The following RNF166 variants were observed in gnomAD, a reference collection of about 807,000 sequenced individuals.
RNF166 encodes the protein ring finger protein 166, also known as E3 ubiquitin-protein ligase RNF166.
In RNF166, 19 loss-of-function variants were observed where a neutral mutation model predicts 29.4. The observed-to-expected ratio is 0.65, with a 90% CI of 0.45 to 0.95. The LOEUF (loss-of-function observed/expected upper bound fraction) is 0.95. RNF166 is among the 40% of genes least tolerant of loss of function. The pLI, the probability that RNF166 is intolerant of heterozygous loss-of-function variation, is 0.00. For missense variants in RNF166, 347 were observed against 322.1 expected, an observed-to-expected ratio of 1.08 and a Z score of -0.59; for synonymous variants, 171 against 134.5, an observed-to-expected ratio of 1.27 and a Z score of -1.88.
At chr16:88,703,845 C>T (rs895558562) in intron 1 of RNF166, 1 of 985,474 alleles carries the variant, frequency 1.0e-6, no homozygotes, top group African/African-American at 1.7e-5. Flanking sequence ...CGGCCCGTGC[C>T]TCAGGGATCT....
In RNF166 at chr16:88,701,258, G is replaced by A; in HGVS notation, c.312+4C>T. 1.2e-6 allele frequency: 2 copies of A among 1,613,546 alleles called. No individual in the cohort carries two copies. Among genetic ancestry groups the A allele is most frequent in the Middle Eastern group, 1.7e-4 (1 of 6,058 alleles). ...GCTCCAGGGCGGCCCAAGCAGGCGG[G>A]TACCTTTTTGTTGCAGCCTCGACAG... On this transcript the variant is annotated splice_donor_region_variant and intron_variant, in intron 2 of 5. Transcript: ENST00000312838.
intron 3 of RNF166, among the ~76,000 whole-genome samples, 174 bp from the exon 4 acceptor site, chr16:88,699,259 C>T (rs1909960362): frequency 6.6e-6 from 1 of 152,236 alleles, no homozygotes; most frequent in African/African-American, 2.4e-5. Context: ...AGGACACACC[C>T]AGGACCCTCG....
Position 88,697,559 on chromosome 16 carries a change from C to T in RNF166, c.*9G>A, listed in dbSNP as rs992753330. The T allele has an allele frequency of 2.2e-5, 34 of 1,546,562 alleles. No homozygotes were observed. The highest frequency in any genetic ancestry group is 1.2e-4 in the East Asian group (5 of 40,710). ...GACCCCAGACGCAGGCGGGTGGCTG[C>T]GCTTCCCTTCAGTTCTCAGAGAGAG... On this transcript the variant is annotated 3_prime_UTR_variant, in exon 6 of 6. Coordinates refer to ENST00000312838, the MANE Select transcript of RNF166 (RefSeq NM_178841.4).
intron 2 of RNF166, chr16:88,700,518 C>T (rs111712056): frequency 1.1e-4 from 95 of 838,142 alleles, no homozygotes; most frequent in Admixed American, 3.7e-4. Flanking sequence ...CCTTCGACCT[C>T]GAGGACAAAC....
rs1316894138 is a variant in RNF166, at chr16:88,699,007, G to A, written c.504C>T (p.His168=). ...RNLDQQELVK[H]CVESHRSDPN... ...GGTCGCTGCGGTGGCTTTCCACACA[G>A]TGCTTCACCAGCTCCTGCTGGTCCA... The change falls in exon 4 of 6, where the codon CAC becomes CAT. Residue 168 remains histidine, a synonymous_variant. Transcript: ENST00000312838. 1 of 1,607,880 alleles carries A rather than the reference G, an allele frequency of 6.2e-7. No individual in the cohort carries two copies. Among genetic ancestry groups the A allele is most frequent in the Middle Eastern group, 1.7e-4 (1 of 5,984 alleles).
intron 3 of RNF166, 110 bp from the exon 4 acceptor site, chr16:88,699,195 A>G: frequency 1.3e-6 from 1 of 798,320 alleles, no homozygotes; most frequent in Non-Finnish European, 2.1e-6. Context: ...GTAGGCTGCA[A>G]GAGCGTGGCA....
intron 1 of RNF166, among the ~76,000 whole-genome samples, chr16:88,705,359 T>G (rs1910676851): frequency 6.6e-6 from 1 of 152,224 alleles, no homozygotes; most frequent in African/African-American, 2.4e-5. Flanking sequence ...CCTCCTGCTC[T>G]CTCTCTCCCC....
At chr16:88,699,493 ACTTCC>A in intron 3 of RNF166, 122 bp downstream of exon 3, 3 of 711,308 alleles carry the variant, frequency 4.2e-6, no homozygotes, top group Non-Finnish European at 7.0e-6. Flanking sequence ...AGGAAGGTCC[ACTTCC>A]CCAGAGTGGA....
intron 3 of RNF166, 90 bp from the exon 4 acceptor site, chr16:88,699,175 C>A: frequency 2.1e-6 from 2 of 952,942 alleles, no homozygotes; most frequent in South Asian, 2.8e-5. Context: ...TGGCCCCAGG[C>A]CTGCCCTCTG....
chr16:88,698,263 G>A, intron 5 of RNF166: 1 of 691,796 alleles, frequency 1.4e-6, no homozygotes, highest in Non-Finnish European at 2.6e-6. Context: ...GACCTGCCCT[G>A]TGCGGTCCAT....
intron 1 of RNF166, chr16:88,703,664 G>T: frequency 1.0e-6 from 1 of 985,548 alleles, no homozygotes; most frequent in Non-Finnish European, 1.2e-6. Context: ...CCCACCCAGG[G>T]GCTGGTGCTG....
intron 1 of RNF166, among the ~76,000 whole-genome samples, chr16:88,702,340 C>T (rs1289757647): frequency 6.6e-6 from 1 of 152,142 alleles, no homozygotes; most frequent in African/African-American, 2.4e-5. Flanking sequence ...TGAGGCAGAG[C>T]CCCCCAGTCC....
chr16:88,703,385 C>G (rs1652316972), intron 1 of RNF166: 1 of 985,386 alleles, frequency 1.0e-6, no homozygotes, highest in African/African-American at 1.7e-5. Flanking sequence ...AAAAGGGTCC[C>G]AGGCAGAGCT....
intron 1 of RNF166, 182 bp from the exon 2 acceptor site, chr16:88,701,600 C>T (rs1053236308): frequency 1.7e-6 from 1 of 604,692 alleles, no homozygotes; most frequent in Non-Finnish European, 2.8e-6. Context: ...TGGATGGGCC[C>T]CATCTGGCTA....
Position 88,706,259 on chromosome 16 carries a change from C to T in RNF166, c.67G>A (p.Gly23Ser). 7.7e-7 allele frequency: 1 copy of T among 1,299,554 alleles called. No homozygotes were observed. 80.5% of individuals were successfully genotyped at this position (1,299,554 alleles called of 1,614,324 possible). ...QRQPPAGPAGGDSGLEAQYTC... is the reference protein window; with the variant it reads ...QRQPPAGPAGSDSGLEAQYTC... ...TACTGCGCCTCCAGGCCGCTGTCGC[C>T]GCCCGCCGGCCCGGCCGGCGGCTGC... Residue 23 changes from glycine (G) to serine (S), a missense_variant, in exon 1 of 6, where the codon GGC becomes AGC. Physicochemically the swap from Gly to Ser is moderately conservative, Grantham distance 56. Transcript: ENST00000312838.
At chr16:88,703,569 G>C (rs1567640105) in intron 1 of RNF166, 11 of 985,350 alleles carry the variant, frequency 1.1e-5, no homozygotes, top group South Asian at 4.7e-5. Context: ...TATCGGCCTA[G>C]TTTCCAGTGA....
chr16:88,698,153 A>G, intron 5 of RNF166: 1 of 600,454 alleles, frequency 1.7e-6, no homozygotes, highest in Non-Finnish European at 3.0e-6. Flanking sequence ...ACAGGGCTGG[A>G]GTGTTCGATG....
chr16:88,706,192 G>T lies in RNF166; in HGVS notation c.134C>A (p.Ala45Asp). 2 of 1,293,542 alleles carry T rather than the reference G, an allele frequency of 1.5e-6. No homozygotes were observed. The highest frequency in any genetic ancestry group is 1.6e-5 in the African/African-American group (1 of 63,668). 80.1% of individuals were successfully genotyped at this position (1,293,542 alleles called of 1,614,324 possible). A position where few individuals can be genotyped will look rare whatever the true frequency, so the allele number is the denominator to read the frequency against. ...ICLEVYHRPV[A>D]IGSCGHTFCG... is the part of the protein sequence containing the mutation. Reference sequence around the variant, plus strand: ...TCACGTGTGGCCGCAGCTGCCGATGGCCACGGGCCGGTGATAGACCTCCAG... The same window carrying T: ...TCACGTGTGGCCGCAGCTGCCGATGTCCACGGGCCGGTGATAGACCTCCAG... The change falls in exon 1 of 6, where the codon GCC (alanine) becomes GAC (aspartate). Residue 45 changes from alanine to aspartate, a missense_variant. Transcript: ENST00000312838.
Position 88,697,084 on chromosome 16 carries a change from G to C in RNF166, c.*484C>G. 1 of 171,372 alleles carries C rather than the reference G, an allele frequency of 5.8e-6. No individual in the cohort carries two copies. Among genetic ancestry groups the C allele is most frequent in the South Asian group, 1.3e-4 (1 of 7,984 alleles). The allele number at this position is 171,372 out of a possible 1,614,324, so 10.6% of individuals were successfully genotyped here. A position where few individuals can be genotyped will look rare whatever the true frequency, so the allele number is the denominator to read the frequency against. ...AAAACGTGAAAAGATTATCACACTG[G>C]ATAATATAGAAAAGATGCCAGGGTT... On this transcript the variant is annotated 3_prime_UTR_variant, in exon 6 of 6. Transcript: ENST00000312838.
Sources: allele counts gnomAD v4.1 joint callset (sites outside exome capture counted in the v4.1 genomes callset), GRCh38; gene constraint gnomAD v4.1.1; transcripts MANE v1.5; gene names NCBI Gene and HGNC (gene_info 2026-07-23, HGNC 2026-07-21).